Variants in CWC27 observed in about 807,000 individuals in gnomAD.
The protein encoded by CWC27 is CWC27 spliceosome associated cyclophilin, also known as spliceosome-associated protein CWC27 homolog.
In CWC27, 47 loss-of-function variants were observed where a neutral mutation model predicts 63.6. The observed-to-expected ratio is 0.74, with a 90% confidence interval of 0.58 to 0.94. CWC27 has a LOEUF of 0.94. Ranked by LOEUF, CWC27 falls within the 40% of genes least tolerant of loss-of-function variation. The pLI is 0.00. For missense variants in CWC27, 495 were observed against 554.3 expected, an observed-to-expected ratio of 0.89 and a Z score of 1.07; for synonymous variants, 175 against 179.8, an observed-to-expected ratio of 0.97 and a Z score of 0.22.
intron 11 of CWC27, among the ~76,000 whole-genome samples, chr5:64,920,764 A>G (rs1747981236): frequency 2.0e-5 from 3 of 152,070 alleles, no homozygotes; most frequent in African/African-American, 7.2e-5. Flanking sequence ...ATAGTTTCCA[A>G]GGATTTTTTG....
At chr5:64,950,267 C>T (rs1748679135) in intron 11 of CWC27, among the ~76,000 whole-genome samples, 1 of 151,778 alleles carries the variant, frequency 6.6e-6, no homozygotes, top group Admixed American at 6.6e-5. Context: ...TAAATTGTAA[C>T]TAATAGTAAT....
At chr5:64,878,323 G>C (rs1447213642) in intron 10 of CWC27, among the ~76,000 whole-genome samples, 1 of 151,356 alleles carries the variant, frequency 6.6e-6, no homozygotes, top group African/African-American at 2.4e-5. Context: ...TTAATAATTA[G>C]TGTCATTTTA....
intron 1 of CWC27, among the ~76,000 whole-genome samples, chr5:64,772,071 A>G (rs919850587): frequency 6.6e-6 from 1 of 152,228 alleles, no homozygotes; most frequent in Non-Finnish European, 1.5e-5. Flanking sequence ...AGATTAGGAA[A>G]TTAAGTGACA....
intron 11 of CWC27, among the ~76,000 whole-genome samples, chr5:64,953,959 T>C (rs16893264): frequency 0.46 from 69,534 of 152,070 alleles, 16,101 homozygotes; most frequent in African/African-American, 0.5. Flanking sequence ...CTTTCAGTTA[T>C]TTTCTCAAGG....
intron 3 of CWC27, 41 bp downstream of exon 3, chr5:64,782,074 A>G (rs779436830): frequency 1.5e-5 from 16 of 1,073,914 alleles, no homozygotes; most frequent in African/African-American, 4.9e-5. Flanking sequence ...TTTTGTTGTT[A>G]TTATTATTTC....
At chr5:64,896,603 T>A (rs1747382318) in intron 11 of CWC27, among the ~76,000 whole-genome samples, 1 of 151,604 alleles carries the variant, frequency 6.6e-6, no homozygotes. Context: ...CATTTTAAAA[T>A]TTTTAGGGAA....
At chr5:64,907,079 A>G (rs999991633) in intron 11 of CWC27, among the ~76,000 whole-genome samples, 12 of 152,110 alleles carry the variant, frequency 7.9e-5, no homozygotes, top group African/African-American at 2.9e-4. Context: ...GCCTTGTAGT[A>G]TAGTTTGAAG....
intron 13 of CWC27, among the ~76,000 whole-genome samples, chr5:64,998,797 T>C (rs1441278705): frequency 6.6e-6 from 1 of 152,060 alleles, no homozygotes; most frequent in African/African-American, 2.4e-5. Context: ...TCTATTCTTA[T>C]TTTTTTGTTC....
intron 11 of CWC27, among the ~76,000 whole-genome samples, chr5:64,925,454 T>A (rs1042362971): frequency 1.3e-5 from 2 of 152,220 alleles, no homozygotes; most frequent in Non-Finnish European, 2.9e-5. Flanking sequence ...GAGAAGAATG[T>A]TCGCCTTAGT....
intron 10 of CWC27, among the ~76,000 whole-genome samples, chr5:64,879,914 C>G (rs1220564795): frequency 6.6e-6 from 1 of 151,976 alleles, no homozygotes; most frequent in African/African-American, 2.4e-5. Flanking sequence ...TCTTTCATTA[C>G]TAGTTACCTT....
intron 13 of CWC27, among the ~76,000 whole-genome samples, chr5:64,999,943 C>G (rs1163730820): frequency 6.6e-6 from 1 of 152,032 alleles, no homozygotes; most frequent in Non-Finnish European, 1.5e-5. Context: ...TACTAATTTA[C>G]GTTCACACCA....
At chr5:64,816,961 A>C (rs140912363) in intron 10 of CWC27, among the ~76,000 whole-genome samples, 1 of 152,248 alleles carries the variant, frequency 6.6e-6, no homozygotes, top group African/African-American at 2.4e-5. Context: ...AGAAGCAGTG[A>C]GAGAGAACTT....
chr5:64,794,781 G>A (rs556074424), intron 7 of CWC27, among the ~76,000 whole-genome samples: 3 of 152,196 alleles, frequency 2.0e-5, no homozygotes, highest in East Asian at 3.9e-4. Context: ...TTATTTGAAT[G>A]TCTGTATTGG....
At chr5:64,959,949 G>A (rs1055787846) in intron 11 of CWC27, among the ~76,000 whole-genome samples, 4 of 152,210 alleles carry the variant, frequency 2.6e-5, no homozygotes, top group Admixed American at 6.5e-5. Flanking sequence ...TGGGAGCCAC[G>A]AAGTGTTTTG....
chr5:64,794,340 C>G (rs1158979977), intron 7 of CWC27, among the ~76,000 whole-genome samples: 1 of 151,978 alleles, frequency 6.6e-6, no homozygotes, highest in African/African-American at 2.4e-5. Context: ...TCAACTCATG[C>G]CAATTTGAAC....
At chr5:64,942,842 G>A (rs1204890248) in intron 11 of CWC27, among the ~76,000 whole-genome samples, 2 of 152,142 alleles carry the variant, frequency 1.3e-5, no homozygotes, top group East Asian at 3.8e-4. Context: ...TTTTATGCCT[G>A]TGCATATAAT....
At chr5:64,835,194 A>G (rs1241790103) in intron 10 of CWC27, among the ~76,000 whole-genome samples, 1 of 152,000 alleles carries the variant, frequency 6.6e-6, no homozygotes, top group Admixed American at 6.6e-5. Flanking sequence ...GATTTCCACA[A>G]AAATTATTCA....
chr5:64,799,512 G>A (rs984338982), intron 7 of CWC27, among the ~76,000 whole-genome samples: 4 of 150,446 alleles, frequency 2.7e-5, no homozygotes, highest in Admixed American at 6.6e-5. Flanking sequence ...CTTGAACCCC[G>A]GAAGCGGAGA....
rs79109662 is a variant in CWC27, at chr5:64,832,324, G to A, written c.938+27938G>A. 2.0e-4 allele frequency among the ~76,000 whole-genome samples: 30 copies of A among 151,608 alleles called. No homozygotes were observed. The East Asian group carries it at 4.1e-3, about 21-fold the overall frequency. On this transcript the variant is annotated intron_variant, in intron 10 of 13. Coordinates refer to ENST00000381070, the MANE Select transcript of CWC27 (RefSeq NM_005869.4). ...TTTCAAAAACATCTTTCAGTGTTTC[G>A]GTAATTCCAAGGTAGTGGTTTTGAG...
Sources: gnomAD v4.1 joint callset for allele counts (sites outside exome capture counted in the v4.1 genomes callset) on GRCh38, gnomAD v4.1.1 for gene constraint, MANE v1.5 for transcripts, NCBI Gene and HGNC (gene_info 2026-07-23, HGNC 2026-07-21) for gene names.